The following WDR4 variants were observed in gnomAD, a reference collection of about 807,000 sequenced individuals.
The protein encoded by WDR4 is WDR4 tRNA N7-guanosine methyltransferase non-catalytic subunit, also known as tRNA (guanine-N(7)-)-methyltransferase non-catalytic subunit WDR4.
Under a neutral mutation model 48.6 loss-of-function variants are expected in WDR4, and 47 were observed. The ratio of observed to expected loss-of-function variants is 0.97; its 90% CI spans 0.77 to 1.23. The LOEUF is 1.23. Among genes scored for constraint, WDR4 ranks in the 50% most tolerant of loss-of-function variants. The pLI is 0.00. For missense variants in WDR4, 606 were observed against 551.6 expected (o/e 1.10, Z -0.99); for synonymous variants, 268 against 230.0 (o/e 1.17, Z -1.49).
At chr21:42,880,910 G>A (rs1320143342), upstream of WDR4, among the ~76,000 whole-genome samples, 1 of 148,972 alleles carries the variant, frequency 6.7e-6, no homozygotes, top group Non-Finnish European at 1.5e-5. Context: ...TGCTCTCCAT[G>A]CCCAAGAAGC....
At chr21:42,864,121 A>G (rs1298888074) in intron 3 of WDR4, among the ~76,000 whole-genome samples, 1 of 146,510 alleles carries the variant, frequency 6.8e-6, no homozygotes, top group Non-Finnish European at 1.5e-5. Flanking sequence ...AAAAAAAAAA[A>G]AAAAAAAAAG....
At chr21:42,853,803 T>C (rs1409137518) in intron 8 of WDR4, 51 bp from the exon 9 acceptor site, 2 of 1,513,328 alleles carry the variant, frequency 1.3e-6, no homozygotes, top group Admixed American at 4.0e-5. Context: ...GCCCACGGGC[T>C]CCGCTCTGCA....
At position 42,876,734 on chromosome 21, in the gene WDR4, A is replaced by T; in HGVS notation, c.123T>A (p.Ser41Arg). The T allele has an allele frequency of 1.9e-6, 3 of 1,613,660 alleles. No homozygotes were observed. The highest frequency in any genetic ancestry group is 1.3e-5 in the African/African-American group (1 of 74,988). ...DDDSLFIYDC[S>R]AAEKKSQENK... ...TTTCTTGTGACTTCTTTTCTGCAGCACTGCAGTCATAGATGAAGAGGCTGT... is the reference window on the plus strand; with the variant it reads ...TTTCTTGTGACTTCTTTTCTGCAGCTCTGCAGTCATAGATGAAGAGGCTGT... Residue 41 changes from serine to arginine, a missense_variant, in exon 2 of 11, where the codon AGT (serine) becomes AGA (arginine). Transcript: ENST00000398208.
chr21:42,848,034 C>T (rs1167371486), downstream of WDR4, among the ~76,000 whole-genome samples: 3 of 152,242 alleles, frequency 2.0e-5, no homozygotes, highest in African/African-American at 7.2e-5. Context: ...GAGGAGTGGG[C>T]CTCAGCTTTG....
upstream of WDR4, among the ~76,000 whole-genome samples, chr21:42,880,130 CAAA>C (rs796783962): frequency 1.5e-5 from 2 of 136,906 alleles, no homozygotes; most frequent in Non-Finnish European, 3.2e-5. Context: ...GACTCTCTCT[CAAA>C]AAAAAAAAAA....
At chr21:42,889,747 CT>C in the WDR4 span, among the ~76,000 whole-genome samples, 1 of 152,278 alleles carries the variant, frequency 6.6e-6, no homozygotes, top group African/African-American at 2.4e-5. Context: ...TTTTCCATAA[CT>C]TTTTTTCTTT....
At chr21:42,845,191 A>G (rs1288295941), downstream of WDR4, among the ~76,000 whole-genome samples, 1 of 152,262 alleles carries the variant, frequency 6.6e-6, no homozygotes, top group Non-Finnish European at 1.5e-5. Context: ...GGAAGTCAGC[A>G]AAGTATATTC....
intron 5 of WDR4, among the ~76,000 whole-genome samples, chr21:42,861,995 G>A (rs1282801924): frequency 6.6e-6 from 1 of 152,162 alleles, no homozygotes; most frequent in African/African-American, 2.4e-5. Flanking sequence ...TGGTGCAGGG[G>A]TCTCCACACT....
the WDR4 span, among the ~76,000 whole-genome samples, chr21:42,885,982 A>C: frequency 3.7e-5 from 5 of 134,822 alleles, no homozygotes; most frequent in African/African-American, 1.4e-4. Context: ...TTTTTGAGAC[A>C]GTCTTGCTCT....
At chr21:42,846,301 C>T (rs11203161), downstream of WDR4, among the ~76,000 whole-genome samples, 25,355 of 152,160 alleles carry the variant, frequency 0.17, 2,394 homozygotes, top group Non-Finnish European at 0.21. Flanking sequence ...AATCCACAAC[C>T]ACAGGCAACA....
At chr21:42,848,956 C>T (rs1306214261), downstream of WDR4, among the ~76,000 whole-genome samples, 3 of 129,348 alleles carry the variant, frequency 2.3e-5, no homozygotes, top group Non-Finnish European at 4.8e-5. Context: ...GATCACGCGG[C>T]GCGCACCTCA....
intron 6 of WDR4, 75 bp downstream of exon 6, chr21:42,859,587 T>TGCCAGGA: frequency 1.4e-6 from 1 of 732,468 alleles, no homozygotes; most frequent in Non-Finnish European, 2.0e-6. Flanking sequence ...AGGGGCCAGG[T>TGCCAGGA]CCAGGAGGCG....
chr21:42,853,356 T>C (rs1357681656), intron 9 of WDR4, among the ~76,000 whole-genome samples: 2 of 152,208 alleles, frequency 1.3e-5, no homozygotes, highest in East Asian at 1.9e-4. Flanking sequence ...CATCACCACA[T>C]GGGACAAGCC....
In WDR4 at chr21:42,853,564, C is replaced by T; in HGVS notation, c.975+5G>A. 6.2e-7 allele frequency: 1 copy of T among 1,605,072 alleles called. No homozygotes were observed. The highest frequency in any genetic ancestry group is 8.5e-7 in the Non-Finnish European group (1 of 1,175,742). ...ATAGGACATCTGGAAGGTGCCGAGT[C>T]TCACCTGCCACTGGTCGCCCACAGG... On this transcript the variant is annotated splice_donor_5th_base_variant and intron_variant, in intron 9 of 10. Coordinates refer to ENST00000398208, the MANE Select transcript of WDR4 (RefSeq NM_018669.6).
At chr21:42,874,577 T>C (rs2058446543) in intron 2 of WDR4, among the ~76,000 whole-genome samples, 1 of 152,082 alleles carries the variant, frequency 6.6e-6, no homozygotes, top group African/African-American at 2.4e-5. Context: ...GCAAGGAACA[T>C]CCCTGAGAAA....
chr21:42,874,786 G>A (rs1457645830), intron 2 of WDR4, among the ~76,000 whole-genome samples: 1 of 152,140 alleles, frequency 6.6e-6, no homozygotes, highest in Non-Finnish European at 1.5e-5. Flanking sequence ...TGTTATCAAT[G>A]ACAGTGGTGC....
the WDR4 span, among the ~76,000 whole-genome samples, chr21:42,884,908 T>C: frequency 1.1e-4 from 17 of 152,184 alleles, no homozygotes; most frequent in South Asian, 3.1e-3. Flanking sequence ...CCCAAGTAGC[T>C]GGGATTATAG....
At chr21:42,848,597 A>G (rs138563736), downstream of WDR4, among the ~76,000 whole-genome samples, 56 of 61,128 alleles carry the variant, frequency 9.2e-4, 2 homozygotes, top group Non-Finnish European at 1.1e-3. Flanking sequence ...ACGATCACGC[A>G]GCGTGCACCT....
downstream of WDR4, among the ~76,000 whole-genome samples, chr21:42,847,247 G>T (rs1478641684): frequency 1.3e-5 from 2 of 152,206 alleles, no homozygotes; most frequent in African/African-American, 4.8e-5. Flanking sequence ...AGTCACAGGG[G>T]ACGGGAAGGT....
Sources: allele counts gnomAD v4.1 joint callset (sites outside exome capture counted in the v4.1 genomes callset), GRCh38; gene constraint gnomAD v4.1.1; transcripts MANE v1.5; gene names NCBI Gene and HGNC (gene_info 2026-07-23, HGNC 2026-07-21).